RBM19: variants seen among roughly 807,000 people sequenced by gnomAD.
The protein encoded by RBM19 is RNA binding motif protein 19.
A neutral mutation model predicts 116.8 loss-of-function variants in RBM19; 94 were observed. That is an observed-to-expected ratio of 0.80 (90% CI 0.68 to 0.95). The LOEUF is 0.95. Ranked by LOEUF, RBM19 falls within the 40% of genes least tolerant of loss-of-function variation. The pLI, the probability that RBM19 is intolerant of heterozygous loss-of-function variation, is 0.00. For synonymous variants in RBM19, 475 were observed against 494.1 expected, an observed-to-expected ratio of 0.96 and a Z score of 0.51; for missense variants, 1,161 against 1,220.7, an observed-to-expected ratio of 0.95 and a Z score of 0.73.
At chr12:113,849,129 A>G (rs924967184) in intron 22 of RBM19, among the ~76,000 whole-genome samples, 5 of 152,140 alleles carry the variant, frequency 3.3e-5, no homozygotes, top group South Asian at 4.1e-4. Context: ...CCTCCTGCAC[A>G]GGCAACAGCC....
chr12:113,919,325 A>T (rs982132550), intron 19 of RBM19, among the ~76,000 whole-genome samples: 1 of 152,216 alleles, frequency 6.6e-6, no homozygotes, highest in African/African-American at 2.4e-5. Flanking sequence ...TAATCCCAGC[A>T]CTTTGGGAGG....
Position 113,952,549 on chromosome 12 carries a change from G to A in RBM19, c.963C>T (p.Ala321=), listed in dbSNP as rs766083111. 1.7e-5 allele frequency: 28 copies of A among 1,613,738 alleles called. No homozygotes were observed. The highest frequency in any genetic ancestry group is 2.3e-5 in the Non-Finnish European group (27 of 1,179,884). The change falls in exon 8 of 24, where the codon GCC becomes GCT. Residue 321 remains alanine, a synonymous_variant. Transcript: ENST00000261741. ...CATGAGCGTTTCTCACAATTCGAAT[G>A]GCCACTGGTTTCAGGGGTGCCAGGA... The part of the protein sequence containing the change: ...MEFLAPLKPV[A]IRIVRNAHGN...
chr12:113,960,851 C>T (rs1872432192), intron 2 of RBM19, among the ~76,000 whole-genome samples: 2 of 152,154 alleles, frequency 1.3e-5, no homozygotes, highest in African/African-American at 4.8e-5. Context: ...GTACTGGAGA[C>T]CCAGCCTGAG....
At chr12:113,948,348 GCAA>G (rs775777312) in intron 10 of RBM19, among the ~76,000 whole-genome samples, 7 of 152,136 alleles carry the variant, frequency 4.6e-5, no homozygotes, top group African/African-American at 1.7e-4. Flanking sequence ...AGAAATAACA[GCAA>G]CAACAACACT....
intron 23 of RBM19, among the ~76,000 whole-genome samples, chr12:113,826,946 G>A (rs1338203027): frequency 1.3e-5 from 2 of 152,112 alleles, no homozygotes; most frequent in South Asian, 4.1e-4. Context: ...GCCAGCCTCC[G>A]TGCTCCTGGG....
chr12:113,959,246 C>A lies in RBM19; in HGVS notation c.537G>T (p.Glu179Asp). ...YLNFDSDSGQ[E>D]SEEEGAGEDL... ...CCTCCCCGGCTCCCTCCTCCTCACT[C>A]TCCTGCCCAGAATCGGAGTCGAAGT... Residue 179 changes from glutamate (E) to aspartate (D), a missense_variant, in exon 5 of 24, where the codon GAG becomes GAT. Physicochemically the swap from Glu to Asp is conservative, Grantham distance 45. Transcript: ENST00000261741. 4 of 1,613,186 alleles carry A rather than the reference C, an allele frequency of 2.5e-6. No individual in the cohort carries two copies. The highest frequency in any genetic ancestry group is 3.4e-6 in the Non-Finnish European group (4 of 1,179,812).
At chr12:113,876,211 G>A (rs1036931806) in intron 21 of RBM19, among the ~76,000 whole-genome samples, 3 of 152,184 alleles carry the variant, frequency 2.0e-5, no homozygotes, top group African/African-American at 4.8e-5. Context: ...GGCTGCTCCC[G>A]CAACTGCAGG....
intron 16 of RBM19, among the ~76,000 whole-genome samples, chr12:113,931,742 CT>C (rs1369842335): frequency 2.0e-5 from 3 of 152,208 alleles, no homozygotes; most frequent in African/African-American, 7.2e-5. Flanking sequence ...TTCTGCTGGT[CT>C]GCTGCTTTCC....
At chr12:113,848,968 G>T (rs3782430) in intron 22 of RBM19, among the ~76,000 whole-genome samples, 10,039 of 152,220 alleles carry the variant, frequency 0.066, 647 homozygotes, top group East Asian at 0.34. Flanking sequence ...GCCTACTCCT[G>T]AGAACAGACA....
At position 113,840,192 on chromosome 12, in the gene RBM19, A is replaced by C. The variant is rs936813250; in HGVS notation, c.2785+4476T>G. On this transcript the variant is annotated intron_variant, in intron 23 of 23. Transcript: ENST00000261741. ...TACAGAGGGTGTTCTTTTGTTTTCA[A>C]GGGATTATCATGTTTCTTTGGAAAA... Among the ~76,000 whole-genome samples the C allele has an allele frequency of 2.0e-5, 3 of 152,334 alleles. No homozygotes were observed. The South Asian group carries it at 6.2e-4, about 32-fold the overall frequency.
At chr12:113,857,317 C>T (rs529676528) in intron 22 of RBM19, among the ~76,000 whole-genome samples, 14 of 152,364 alleles carry the variant, frequency 9.2e-5, no homozygotes, top group Middle Eastern at 3.4e-3. Flanking sequence ...GTATCGAGTA[C>T]CCACCACATG....
chr12:113,890,622 T>C (rs1157094311), intron 21 of RBM19, among the ~76,000 whole-genome samples: 5 of 152,128 alleles, frequency 3.3e-5, no homozygotes, highest in Admixed American at 3.3e-4. Flanking sequence ...CTGGCCACGG[T>C]GGAGAGACTG....
At chr12:113,938,702 T>C (rs993808531) in intron 15 of RBM19, among the ~76,000 whole-genome samples, 1 of 152,162 alleles carries the variant, frequency 6.6e-6, no homozygotes, top group African/African-American at 2.4e-5. Context: ...CTAAATCCAA[T>C]GACAAGTGTC....
intron 23 of RBM19, among the ~76,000 whole-genome samples, chr12:113,830,572 G>GA (rs1875302390): frequency 3.5e-5 from 1 of 28,942 alleles, no homozygotes; most frequent in Non-Finnish European, 7.3e-5. Flanking sequence ...TAGGGCTGCG[G>GA]GGCGGGGGGG....
chr12:113,841,690 G>A (rs1454001782), intron 23 of RBM19, among the ~76,000 whole-genome samples: 1 of 152,144 alleles, frequency 6.6e-6, no homozygotes, highest in Non-Finnish European at 1.5e-5. Flanking sequence ...CTCACAAAGT[G>A]CTGGGATTAC....
intron 21 of RBM19, among the ~76,000 whole-genome samples, chr12:113,881,643 C>T (rs1880140417): frequency 6.6e-6 from 1 of 152,204 alleles, no homozygotes; most frequent in African/African-American, 2.4e-5. Context: ...CCCTCAAGGG[C>T]CCATTTCATG....
chr12:113,960,277 C>A, intron 2 of RBM19, 99 bp from the exon 3 acceptor site: 1 of 1,526,074 alleles, frequency 6.6e-7, no homozygotes, highest in Non-Finnish European at 9.0e-7. Context: ...AGACAACTGT[C>A]ACTGCCTAGC....
At chr12:113,908,460 G>T (rs1882212272) in intron 21 of RBM19, among the ~76,000 whole-genome samples, 1 of 151,798 alleles carries the variant, frequency 6.6e-6, no homozygotes, top group African/African-American at 2.4e-5. Context: ...GGCACAACAG[G>T]TGTGGGGTGG....
At chr12:113,836,231 G>A (rs186998804) in intron 23 of RBM19, among the ~76,000 whole-genome samples, 150 of 152,288 alleles carry the variant, frequency 9.8e-4, no homozygotes, top group African/African-American at 3.4e-3. Flanking sequence ...AGGGAGGTGC[G>A]GGGCAGTGGG....
Sources: gnomAD v4.1 joint callset for allele counts (sites outside exome capture counted in the v4.1 genomes callset) on GRCh38, gnomAD v4.1.1 for gene constraint, MANE v1.5 for transcripts, NCBI Gene and HGNC (gene_info 2026-07-23, HGNC 2026-07-21) for gene names.